The following SUZ12 variants were observed in gnomAD, a reference collection of about 807,000 sequenced individuals.
The protein encoded by SUZ12 is SUZ12 polycomb repressive complex 2 subunit.
A neutral mutation model predicts 87.3 loss-of-function variants in SUZ12; 17 were observed. The ratio of observed to expected loss-of-function variants is 0.19; its 90% CI spans 0.13 to 0.29. The LOEUF (loss-of-function observed/expected upper bound fraction) is 0.29, where lower values mean the gene tolerates loss of function less well. SUZ12 is among the 10% of genes least tolerant of loss of function. SUZ12 has a pLI of 1.00. For missense variants in SUZ12, 526 were observed against 912.2 expected, an observed-to-expected ratio of 0.58 and a Z score of 5.45; for synonymous variants, 253 against 312.4, an observed-to-expected ratio of 0.81 and a Z score of 2.01.
At chr17:31,964,413 G>GTTTTTT (rs544646719) in intron 4 of SUZ12, among the ~76,000 whole-genome samples, 534 of 141,846 alleles carry the variant, frequency 3.8e-3, no homozygotes, top group African/African-American at 0.012. Context: ...AACTCTGTAG[G>GTTTTTT]TTTTTTTTTT....
intron 8 of SUZ12, among the ~76,000 whole-genome samples, chr17:31,981,150 G>C (rs1387673604): frequency 6.6e-6 from 1 of 152,046 alleles, no homozygotes; most frequent in Non-Finnish European, 1.5e-5. Context: ...AAACAAAAAA[G>C]CCACCATAAC....
chr17:31,994,459 T>C, intron 12 of SUZ12, 105 bp from the exon 13 acceptor site: 2 of 1,102,686 alleles, frequency 1.8e-6, no homozygotes, highest in Non-Finnish European at 2.4e-6. Context: ...GCCTGGCCTA[T>C]TTTAGTTTTC....
At chr17:31,975,890 T>C (rs1234725225) in intron 7 of SUZ12, among the ~76,000 whole-genome samples, 177 bp downstream of exon 7, 2 of 152,166 alleles carry the variant, frequency 1.3e-5, no homozygotes, top group African/African-American at 4.8e-5. Context: ...ATGAGAAGTA[T>C]TTTATAGTGA....
intron 4 of SUZ12, among the ~76,000 whole-genome samples, chr17:31,954,406 C>G (rs1167628146): frequency 2.0e-5 from 3 of 152,000 alleles, no homozygotes; most frequent in Non-Finnish European, 4.4e-5. Flanking sequence ...AGTAACCTTC[C>G]TTTTCTAAAC....
chr17:31,955,039 T>C (rs928365470), intron 4 of SUZ12, among the ~76,000 whole-genome samples: 2 of 152,162 alleles, frequency 1.3e-5, no homozygotes, highest in African/African-American at 4.8e-5. Context: ...CACACGGGAG[T>C]GCAGTGATAG....
chr17:31,981,182 G>A (rs1223790235), intron 8 of SUZ12, among the ~76,000 whole-genome samples: 1 of 152,072 alleles, frequency 6.6e-6, no homozygotes, highest in African/African-American at 2.4e-5. Flanking sequence ...ATGACAAGAT[G>A]GGGAGAAATT....
At chr17:31,959,059 T>C (rs914250407) in intron 4 of SUZ12, among the ~76,000 whole-genome samples, 1 of 152,100 alleles carries the variant, frequency 6.6e-6, no homozygotes, top group Non-Finnish European at 1.5e-5. Context: ...ACCTCTTAGG[T>C]TGGTTATGTG....
At chr17:31,947,529 C>T in intron 3 of SUZ12, 88 bp from the exon 4 acceptor site, 2 of 1,464,466 alleles carry the variant, frequency 1.4e-6, no homozygotes, top group South Asian at 2.6e-5. Context: ...ATCTGGTTTC[C>T]ATCTTGCCTA....
chr17:31,961,671 T>G (rs578009731), intron 4 of SUZ12, among the ~76,000 whole-genome samples: 26 of 149,272 alleles, frequency 1.7e-4, no homozygotes, highest in Non-Finnish European at 2.1e-4. Flanking sequence ...TTTCAGTGTG[T>G]TGTTAGTAGT....
At chr17:31,952,662 A>G (rs1907058717) in intron 4 of SUZ12, among the ~76,000 whole-genome samples, 3 of 152,130 alleles carry the variant, frequency 2.0e-5, no homozygotes, top group Non-Finnish European at 4.4e-5. Context: ...TCCTGGGTTC[A>G]GGCAGTTCTC....
chr17:31,952,061 A>C (rs534542623), intron 4 of SUZ12, among the ~76,000 whole-genome samples: 1 of 151,722 alleles, frequency 6.6e-6, no homozygotes, highest in Non-Finnish European at 1.5e-5. Context: ...AGGCTGAGCC[A>C]CTGCGCCCAG....
At chr17:31,958,283 A>C (rs1269592814) in intron 4 of SUZ12, among the ~76,000 whole-genome samples, 1 of 152,000 alleles carries the variant, frequency 6.6e-6, no homozygotes, top group Non-Finnish European at 1.5e-5. Flanking sequence ...TGATCTGCCC[A>C]CTTTGTCCTC....
chr17:31,994,092 AT>A, intron 12 of SUZ12, 84 bp downstream of exon 12: 2 of 1,337,700 alleles, frequency 1.5e-6, no homozygotes, highest in Non-Finnish European at 2.0e-6. Flanking sequence ...ACCCACAAAA[AT>A]TTTTTAAATT....
chr17:31,972,606 A>G (rs1290115950), intron 5 of SUZ12, among the ~76,000 whole-genome samples: 2 of 152,122 alleles, frequency 1.3e-5, no homozygotes, highest in African/African-American at 4.8e-5. Flanking sequence ...TGTAGAGACG[A>G]GGTTTCTGTG....
chr17:31,998,344 GCTA>G (rs1910091429), intron 15 of SUZ12, among the ~76,000 whole-genome samples: 1 of 152,066 alleles, frequency 6.6e-6, no homozygotes, highest in African/African-American at 2.4e-5. Context: ...CTCCCAAAGT[GCTA>G]GAATTACAGG....
chr17:31,955,042 A>G (rs1907228085), intron 4 of SUZ12, among the ~76,000 whole-genome samples: 3 of 152,164 alleles, frequency 2.0e-5, no homozygotes, highest in Admixed American at 2.0e-4. Context: ...ACGGGAGTGC[A>G]GTGATAGGTT....
In SUZ12 at chr17:31,957,665, C is replaced by T. The variant is rs1458352934; in HGVS notation, c.456-8482C>T. On this transcript the variant is annotated intron_variant, in intron 4 of 15. Transcript: ENST00000322652. Reference sequence around the variant, plus strand: ...ACTTCAGGTGATCTGCTCGCCTCAGCCTCCCAAAGTGCTGGGATTGTAGCC... The same window carrying T: ...ACTTCAGGTGATCTGCTCGCCTCAGTCTCCCAAAGTGCTGGGATTGTAGCC... Among the ~76,000 whole-genome samples the T allele has an allele frequency of 3.3e-5, 5 of 150,780 alleles. No individual in the cohort carries two copies. The East Asian group carries it at 9.7e-4, about 29-fold the overall frequency.
rs1315221200 is a variant in SUZ12 at position 31,937,134 on chromosome 17, C to T, written c.-113C>T. Reference sequence around the variant, plus strand: ...CTTCCCCTCTCCTCCCCTCTCTCCTCCTTCCCCCCTCGGTCCGCCGGAGCC... The same window carrying T: ...CTTCCCCTCTCCTCCCCTCTCTCCTTCTTCCCCCCTCGGTCCGCCGGAGCC... On this transcript the variant is annotated 5_prime_UTR_variant, in exon 1 of 16. Transcript: ENST00000322652. 1 of 931,582 alleles carries T rather than the reference C, an allele frequency of 1.1e-6. No individual in the cohort carries two copies. The highest frequency in any genetic ancestry group is 1.5e-6 in the Non-Finnish European group (1 of 683,696). The allele number at this position is 931,582 out of a possible 1,614,324, so 57.7% of individuals were successfully genotyped here. A position where few individuals can be genotyped will look rare whatever the true frequency, so the allele number is the denominator to read the frequency against.
chr17:31,948,984 G>A (rs1457820666), intron 4 of SUZ12, among the ~76,000 whole-genome samples: 1 of 151,968 alleles, frequency 6.6e-6, no homozygotes, highest in African/African-American at 2.4e-5. Flanking sequence ...AATACAGACT[G>A]TAGTAAGATC....
Sources: allele counts gnomAD v4.1 joint callset (sites outside exome capture counted in the v4.1 genomes callset), GRCh38; gene constraint gnomAD v4.1.1; transcripts MANE v1.5; gene names NCBI Gene and HGNC (gene_info 2026-07-23, HGNC 2026-07-21).